Variants in FTCDNL1 observed in about 807,000 individuals in gnomAD.
The protein encoded by FTCDNL1 is formiminotransferase cyclodeaminase N-terminal like.
In FTCDNL1, 11 loss-of-function variants were observed where a neutral mutation model predicts 5.9. That is an observed-to-expected ratio of 1.87 (90% confidence interval 1.18 to 3.10). The LOEUF is 3.10. Ranked by LOEUF, FTCDNL1 falls within the 30% of genes most tolerant of loss-of-function variation. The pLI is 0.00. For missense variants in FTCDNL1, 115 were observed against 65.5 expected, an observed-to-expected ratio of 1.76 and a Z score of -2.61; for synonymous variants, 58 against 24.8, an observed-to-expected ratio of 2.34 and a Z score of -3.99.
At chr2:199,794,385 C>T (rs1193780536) in intron 3 of FTCDNL1, among the ~76,000 whole-genome samples, 1 of 152,180 alleles carries the variant, frequency 6.6e-6, no homozygotes, top group African/African-American at 2.4e-5. Context: ...TTATGCGGAT[C>T]AGTGGCCCAA....
chr2:199,713,992 G>A, the FTCDNL1 span, among the ~76,000 whole-genome samples: 12 of 152,164 alleles, frequency 7.9e-5, no homozygotes, highest in Middle Eastern at 3.2e-3. Flanking sequence ...AGTGTGTCCT[G>A]TAAAAAGAGA....
intron 3 of FTCDNL1, among the ~76,000 whole-genome samples, chr2:199,795,796 G>A (rs1700142434): frequency 6.6e-6 from 1 of 152,110 alleles, no homozygotes. Context: ...TGGAGATTTT[G>A]AGAAATGTTT....
the FTCDNL1 span, among the ~76,000 whole-genome samples, chr2:199,667,299 G>A: frequency 1.3e-5 from 2 of 152,028 alleles, no homozygotes; most frequent in South Asian, 2.1e-4. Flanking sequence ...GTGTACAGAC[G>A]ACCAAGAAAA....
rs1314086220 is a variant in FTCDNL1, at chr2:199,832,003, G to A, written c.212-12246C>T. 2.6e-5 allele frequency among the ~76,000 whole-genome samples: 4 copies of A among 152,174 alleles called. No homozygotes were observed. In the South Asian group the frequency reaches 8.3e-4, roughly 32 times the overall value. The stretch of plus-strand genomic sequence containing the variant: ...TCTTAAAATAACATACAATTTCATG[G>A]AGATACAGATACAAGTATTCATGAA... On this transcript the variant is annotated intron_variant, in intron 3 of 4. Coordinates refer to ENST00000420128, the MANE Select transcript of FTCDNL1 (RefSeq NM_001363886.2).
chr2:199,807,392 C>A (rs887799220), downstream of FTCDNL1, among the ~76,000 whole-genome samples: 1 of 152,150 alleles, frequency 6.6e-6, no homozygotes, highest in Admixed American at 6.5e-5. Flanking sequence ...AATCCCAGTA[C>A]TTTGGGAGCC....
rs188676948 is a variant in FTCDNL1, at chr2:199,826,449, T to C, written c.212-6692A>G. 1.1e-3 allele frequency among the ~76,000 whole-genome samples: 171 copies of C among 150,254 alleles called. 1 individual carries two copies. The Middle Eastern group carries it at 0.031, about 27-fold the overall frequency. Reference sequence around the variant, plus strand: ...GAAAAGAAAGAAAAAAAAAAACCTTTCTCTAAATCACCAATTCCTTATCTA... The same window carrying C: ...GAAAAGAAAGAAAAAAAAAAACCTTCCTCTAAATCACCAATTCCTTATCTA... On this transcript the variant is annotated intron_variant, in intron 3 of 4. Coordinates refer to ENST00000420128, the MANE Select transcript of FTCDNL1 (RefSeq NM_001363886.2).
the FTCDNL1 span, among the ~76,000 whole-genome samples, chr2:199,710,904 A>G: frequency 6.6e-6 from 1 of 152,196 alleles, no homozygotes; most frequent in Non-Finnish European, 1.5e-5. Context: ...TAATGACCTT[A>G]CAATAAGACA....
intron 3 of FTCDNL1, among the ~76,000 whole-genome samples, chr2:199,802,838 A>G (rs1349998557): frequency 6.6e-6 from 1 of 152,142 alleles, no homozygotes; most frequent in Non-Finnish European, 1.5e-5. Flanking sequence ...CTGACAGTCC[A>G]GGGGAGGAAG....
chr2:199,739,113 T>C, the FTCDNL1 span, among the ~76,000 whole-genome samples: 7 of 152,254 alleles, frequency 4.6e-5, no homozygotes, highest in African/African-American at 1.7e-4. Context: ...AAATGTTTCC[T>C]TAAAGTGTAT....
chr2:199,780,634 C>T (rs1404047268), intron 3 of FTCDNL1, among the ~76,000 whole-genome samples: 3 of 152,284 alleles, frequency 2.0e-5, no homozygotes, highest in African/African-American at 4.8e-5. Context: ...GTAGCACTTC[C>T]GCTGATCTAG....
the FTCDNL1 span, among the ~76,000 whole-genome samples, chr2:199,678,071 A>G: frequency 6.6e-6 from 1 of 152,212 alleles, no homozygotes; most frequent in Non-Finnish European, 1.5e-5. Flanking sequence ...TCGAGGACAA[A>G]CAGAAATATG....
chr2:199,718,432 A>G, the FTCDNL1 span, among the ~76,000 whole-genome samples: 1 of 152,112 alleles, frequency 6.6e-6, no homozygotes, highest in Non-Finnish European at 1.5e-5. Context: ...CCACATATTA[A>G]ATTTGTCCTA....
chr2:199,770,830 C>T (rs17529441), intron 3 of FTCDNL1, among the ~76,000 whole-genome samples: 2,344 of 152,288 alleles, frequency 0.015, 25 homozygotes, highest in Middle Eastern at 0.024. Flanking sequence ...ATCAACTACC[C>T]ACATTTAAAA....
chr2:199,819,526 T>TAAAAA, intron 4 of FTCDNL1, 46 bp downstream of exon 4: 2 of 639,552 alleles, frequency 3.1e-6, no homozygotes, highest in Non-Finnish European at 5.6e-6. Flanking sequence ...ACCTCAAGTT[T>TAAAAA]AAAAAAAAAA....
At position 199,783,716 on chromosome 2, in the gene FTCDNL1, G is replaced by T. The variant is rs75484339; in HGVS notation, c.212-22881C>A. On this transcript the variant is annotated intron_variant, in intron 3 of 3. Coordinates refer to the FTCDNL1 transcript ENST00000416668. ...TAGGTGGGTCCAGCAGCACCTTCAG[G>T]ACACAATTCTCCTCCTCCCTCAGCA... Among the ~76,000 whole-genome samples, 217 of 152,030 alleles carry T rather than the reference G, an allele frequency of 1.4e-3. 1 individual carries two copies. The highest frequency in any genetic ancestry group is 5.0e-3 in the African/African-American group (207 of 41,420).
intron 3 of FTCDNL1, among the ~76,000 whole-genome samples, chr2:199,783,579 G>C (rs979950513): frequency 3.9e-5 from 6 of 152,140 alleles, no homozygotes; most frequent in Non-Finnish European, 8.8e-5. Flanking sequence ...TATCAGAACA[G>C]TGCTCATATC....
intron 3 of FTCDNL1, among the ~76,000 whole-genome samples, chr2:199,767,505 G>A (rs780719875): frequency 2.3e-4 from 35 of 152,126 alleles, no homozygotes; most frequent in African/African-American, 5.8e-4. Context: ...AAATATATGC[G>A]TCCCCTCCAA....
rs949784643 is a variant in FTCDNL1 at position 199,762,181 on chromosome 2, C to A, written c.212-1346G>T. The stretch of plus-strand genomic sequence containing the variant: ...GGATCATGAGGTCAGGAGTTCGAGA[C>A]CAGCCTGCCCAATATAGTGAAACCC... On this transcript the variant is annotated intron_variant, in intron 3 of 3. Transcript: ENST00000416668. Among the ~76,000 whole-genome samples the A allele has an allele frequency of 8.5e-5, 13 of 152,292 alleles. No homozygotes were observed. In the East Asian group the frequency reaches 2.3e-3, roughly 27 times the overall value.
intron 3 of FTCDNL1, among the ~76,000 whole-genome samples, chr2:199,842,089 TTTCTAC>T (rs777408263): frequency 3.2e-4 from 49 of 151,360 alleles, no homozygotes; most frequent in Non-Finnish European, 5.7e-4. Flanking sequence ...CAAAACCCCA[TTTCTAC>T]TAAAAATACA....
Sources: allele counts gnomAD v4.1 joint callset (sites outside exome capture counted in the v4.1 genomes callset), GRCh38; gene constraint gnomAD v4.1.1; transcripts MANE v1.5; gene names NCBI Gene and HGNC (gene_info 2026-07-23, HGNC 2026-07-21).